Variants in RBFOX1 observed in about 807,000 individuals in gnomAD.
RBFOX1 encodes the protein RNA binding fox-1 homolog 1.
RBFOX1 carries 8 observed loss-of-function variants against 57.7 expected under a neutral mutation model. The ratio of observed to expected loss-of-function variants is 0.14; its 90% confidence interval spans 0.08 to 0.25. RBFOX1 has a LOEUF of 0.25. RBFOX1 is among the 10% of genes least tolerant of loss of function. RBFOX1 has a pLI of 1.00. For missense variants in RBFOX1, 611 were observed against 548.5 expected (o/e 1.11, Z -1.14); for synonymous variants, 326 against 222.4 (o/e 1.47, Z -4.15).
chr16:7,367,885 T>TACACACACACACACAC (rs34277471), intron 4 of RBFOX1, among the ~76,000 whole-genome samples: 17 of 148,432 alleles, frequency 1.1e-4, no homozygotes, highest in African/African-American at 3.9e-4. Flanking sequence ...CATGCGTGCA[T>TACACACACACACACAC]ACACACACAC....
At chr16:5,484,708 C>T (rs1429770437) in intron 2 of RBFOX1, among the ~76,000 whole-genome samples, 7 of 151,712 alleles carry the variant, frequency 4.6e-5, no homozygotes, top group African/African-American at 1.7e-4. Context: ...GTCAGGAGAT[C>T]GAAACCATCC....
intron 13 of RBFOX1, among the ~76,000 whole-genome samples, chr16:7,674,639 T>G (rs1341666606): frequency 6.6e-6 from 1 of 152,240 alleles, no homozygotes; most frequent in Non-Finnish European, 1.5e-5. Context: ...ACACACATTT[T>G]CTGTAACTGG....
At chr16:6,417,794 A>G (rs1596943957) in intron 2 of RBFOX1, among the ~76,000 whole-genome samples, 1 of 149,940 alleles carries the variant, frequency 6.7e-6, no homozygotes, top group Non-Finnish European at 1.5e-5. Flanking sequence ...TTTTTTACAG[A>G]TTATTTCATC....
intron 2 of RBFOX1, among the ~76,000 whole-genome samples, chr16:6,475,688 C>T (rs2095261584): frequency 6.6e-6 from 1 of 152,130 alleles, no homozygotes; most frequent in African/African-American, 2.4e-5. Context: ...TCAGTAGGTC[C>T]TAGTGTTCTA....
At chr16:7,261,663 G>T (rs1036672732) in intron 4 of RBFOX1, among the ~76,000 whole-genome samples, 2 of 152,186 alleles carry the variant, frequency 1.3e-5, no homozygotes, top group African/African-American at 2.4e-5. Context: ...CTCTTTATGT[G>T]TCTGACAGGA....
intron 3 of RBFOX1, among the ~76,000 whole-genome samples, chr16:6,673,024 C>T (rs1314224623): frequency 2.6e-5 from 4 of 152,152 alleles, no homozygotes; most frequent in African/African-American, 2.4e-5. Flanking sequence ...GGAACCACAA[C>T]AGGGGAAAGA....
At chr16:6,123,003 G>A (rs1392171466) in intron 1 of RBFOX1, among the ~76,000 whole-genome samples, 2 of 151,944 alleles carry the variant, frequency 1.3e-5, no homozygotes, top group Non-Finnish European at 2.9e-5. Flanking sequence ...CTGTTCTCTG[G>A]AGAATATTAG....
chr16:7,208,340 C>G (rs1335122753), intron 4 of RBFOX1, among the ~76,000 whole-genome samples: 1 of 152,142 alleles, frequency 6.6e-6, no homozygotes, highest in Non-Finnish European at 1.5e-5. Context: ...GTAGCTAACG[C>G]TGGGGAATTT....
intron 3 of RBFOX1, among the ~76,000 whole-genome samples, chr16:6,928,337 G>T (rs534792039): frequency 1.3e-5 from 2 of 152,232 alleles, no homozygotes; most frequent in South Asian, 2.1e-4. Context: ...AAGACGGGGC[G>T]GGGAAAGAAA....
Position 7,142,332 on chromosome 16 carries a change from TTTCAC to T in RBFOX1, c.27+90237_27+90241del, listed in dbSNP as rs2074000668. On this transcript the variant is annotated intron_variant, in intron 4 of 15. Transcript: ENST00000550418. ...AGCCACCACACCTAGCCAAGTCCCA[TTTCAC>T]TTAGGAAAAAAATCAGACTGGTTAC... 2.0e-5 allele frequency among the ~76,000 whole-genome samples: 3 copies of T among 152,208 alleles called. No homozygotes were observed. The South Asian group carries it at 6.2e-4, about 32-fold the overall frequency.
intron 9 of RBFOX1, among the ~76,000 whole-genome samples, chr16:7,607,071 C>T (rs2095310858): frequency 6.6e-6 from 1 of 152,096 alleles, no homozygotes; most frequent in African/African-American, 2.4e-5. Flanking sequence ...GTTTCCATTC[C>T]ATTAACTTGC....
At chr16:7,049,545 G>C (rs2049236398) in intron 3 of RBFOX1, among the ~76,000 whole-genome samples, 1 of 152,080 alleles carries the variant, frequency 6.6e-6, no homozygotes, top group African/African-American at 2.4e-5. Context: ...GACAAAACCA[G>C]AGTGCTTCTC....
intron 1 of RBFOX1, among the ~76,000 whole-genome samples, chr16:6,222,514 CAGCTCTGACAT>C (rs1173242016): frequency 6.6e-6 from 1 of 151,754 alleles, no homozygotes; most frequent in Non-Finnish European, 1.5e-5. Flanking sequence ...GCAGATACAT[CAGCTCTGACAT>C]AGCAACCATC....
chr16:6,679,905 T>TTTTTTTC (rs1243331086), intron 3 of RBFOX1, among the ~76,000 whole-genome samples: 1 of 123,052 alleles, frequency 8.1e-6, no homozygotes, highest in Non-Finnish European at 1.7e-5. Flanking sequence ...TTTTTTTTTT[T>TTTTTTTC]CATACTTTTC....
chr16:7,090,500 C>A (rs1599190012), intron 4 of RBFOX1, among the ~76,000 whole-genome samples: 1 of 152,030 alleles, frequency 6.6e-6, no homozygotes, highest in Non-Finnish European at 1.5e-5. Context: ...ATAGTGTGGC[C>A]CCATTAAGCC....
chr16:6,747,053 G>T (rs534339927), intron 3 of RBFOX1, among the ~76,000 whole-genome samples: 4 of 152,098 alleles, frequency 2.6e-5, no homozygotes, highest in African/African-American at 7.2e-5. Context: ...GCAGACCTCT[G>T]CAGAACCCCT....
intron 4 of RBFOX1, among the ~76,000 whole-genome samples, chr16:5,970,217 T>A (rs2059935666): frequency 6.6e-6 from 1 of 152,218 alleles, no homozygotes; most frequent in Non-Finnish European, 1.5e-5. Flanking sequence ...TTGACATTCA[T>A]GAAGGCACTT....
intron 2 of RBFOX1, among the ~76,000 whole-genome samples, chr16:6,523,222 G>C (rs190187839): frequency 1.3e-5 from 2 of 152,024 alleles, no homozygotes; most frequent in African/African-American, 2.4e-5. Flanking sequence ...CTGATAAAGA[G>C]CAAGTACTTG....
At chr16:6,858,901 TGTG>T (rs1186544588) in intron 3 of RBFOX1, among the ~76,000 whole-genome samples, 4 of 151,758 alleles carry the variant, frequency 2.6e-5, no homozygotes, top group African/African-American at 9.7e-5. Context: ...TACAGTATCA[TGTG>T]GTCAGTAAGT....
Sources: gnomAD v4.1 joint callset for allele counts (sites outside exome capture counted in the v4.1 genomes callset) on GRCh38, gnomAD v4.1.1 for gene constraint, MANE v1.5 for transcripts, NCBI Gene and HGNC (gene_info 2026-07-23, HGNC 2026-07-21) for gene names.